WDFY4: variants seen among roughly 807,000 people sequenced by gnomAD.
WDFY4 encodes WDFY family member 4, also known as WD repeat- and FYVE domain-containing protein 4.
Under a neutral mutation model 351.9 loss-of-function variants are expected in WDFY4, and 169 were observed. The observed-to-expected ratio is 0.48, with a 90% CI of 0.42 to 0.55. The LOEUF (loss-of-function observed/expected upper bound fraction) is 0.55, where lower values mean the gene tolerates loss of function less well. WDFY4 is among the 20% of genes least tolerant of loss of function. The pLI, the probability that WDFY4 is intolerant of heterozygous loss-of-function variation, is 0.00. For missense variants in WDFY4, 3,803 were observed against 3,935.6 expected (o/e 0.97, Z 0.90); for synonymous variants, 1,622 against 1,574.6 (o/e 1.03, Z -0.71).
rs891076134 is a variant in WDFY4 at position 48,804,778 on chromosome 10, G to GGC, written c.4485-481_4485-480insCG. 3.8e-5 allele frequency: 37 copies of GGC among 984,544 alleles called. No individual in the cohort carries two copies. In the East Asian group the frequency reaches 3.9e-3, roughly 103 times the overall value. 61.0% of individuals were successfully genotyped at this position (984,544 alleles called of 1,614,324 possible). On this transcript the variant is annotated intron_variant, in intron 25 of 61. Transcript: ENST00000325239. ...TTGGATTTGTGAGTATCTGAGGGAG[G>GGC]GGGTATGGATAGGTGGATTCTGTCT...
chr10:48,800,190 G>C (rs746892911), intron 24 of WDFY4, among the ~76,000 whole-genome samples: 3 of 152,138 alleles, frequency 2.0e-5, no homozygotes, highest in Non-Finnish European at 4.4e-5. Flanking sequence ...AGCCGGTTTC[G>C]TGTTTTAAGA....
intron 43 of WDFY4, among the ~76,000 whole-genome samples, chr10:48,877,620 C>G (rs767598884): frequency 6.6e-6 from 1 of 152,222 alleles, no homozygotes. Flanking sequence ...TTTGGACACC[C>G]CAACCCATAT....
intron 47 of WDFY4, among the ~76,000 whole-genome samples, chr10:48,920,048 A>G (rs1838912642): frequency 6.6e-6 from 1 of 152,224 alleles, no homozygotes; most frequent in African/African-American, 2.4e-5. Context: ...AGTAAAAAGA[A>G]TATAAATGAC....
rs1430839054 is a variant in WDFY4, at chr10:48,976,850, A to G, written c.9162A>G (p.Gly3054=). The G allele has an allele frequency of 6.5e-7, 1 of 1,530,830 alleles. No individual in the cohort carries two copies. Among genetic ancestry groups the G allele is most frequent in the African/African-American group, 1.4e-5 (1 of 72,268 alleles). The allele number at this position is 1,530,830 out of a possible 1,614,324, so 94.8% of individuals were successfully genotyped here. A position where few individuals can be genotyped will look rare whatever the true frequency, so the allele number is the denominator to read the frequency against. The change falls in exon 59 of 62, where the codon GGA becomes GGG. Residue 3054 remains glycine (G), a synonymous_variant. Transcript: ENST00000325239. ...GAHLSLWNVN[G]QPLASITTAW... is the part of the protein sequence containing the mutation. Reference sequence around the variant, plus strand: ...ACTTGTCCCTGTGGAATGTCAATGGACAGCCCCTGGCCAGCATCACCACAG... The same window carrying G: ...ACTTGTCCCTGTGGAATGTCAATGGGCAGCCCCTGGCCAGCATCACCACAG...
At chr10:48,729,278 C>A (rs528170698) in intron 7 of WDFY4, among the ~76,000 whole-genome samples, 154 bp from the exon 8 acceptor site, 1 of 152,242 alleles carries the variant, frequency 6.6e-6, no homozygotes, top group African/African-American at 2.4e-5. Flanking sequence ...TTATCCAGGG[C>A]GCTCCCTTGC....
intron 5 of WDFY4, among the ~76,000 whole-genome samples, chr10:48,724,883 T>G (rs1481380716): frequency 6.6e-6 from 1 of 152,166 alleles, no homozygotes; most frequent in African/African-American, 2.4e-5. Flanking sequence ...AGTTAGCAAT[T>G]TTTTAAGTGC....
chr10:48,933,930 G>T (rs932038683), intron 47 of WDFY4, among the ~76,000 whole-genome samples: 1 of 152,108 alleles, frequency 6.6e-6, no homozygotes, highest in Non-Finnish European at 1.5e-5. Context: ...GGCCCAAGCA[G>T]AAGCTGGAGG....
rs186226659 is a variant in WDFY4, at chr10:48,945,038, A to T, written c.7750-1002A>T. 2.7e-3 allele frequency among the ~76,000 whole-genome samples: 413 copies of T among 152,186 alleles called. 2 individuals are homozygous for T. The highest frequency in any genetic ancestry group is 9.7e-3 in the African/African-American group (402 of 41,494). ...TTGCAGGCATTTGAGATAGTGACAC[A>T]CTTGGCCCCCAGTGGAGCTTTGAGG... is the stretch of plus-strand genomic sequence containing the variant. On this transcript the variant is annotated intron_variant, in intron 49 of 61. Transcript: ENST00000325239.
At chr10:48,927,693 T>C (rs1463069481) in intron 47 of WDFY4, among the ~76,000 whole-genome samples, 2 of 152,212 alleles carry the variant, frequency 1.3e-5, no homozygotes, top group Non-Finnish European at 2.9e-5. Context: ...CCGTTAGCTG[T>C]CAAACTGCCC....
At chr10:48,785,806 C>A (rs2066386937) in intron 19 of WDFY4, among the ~76,000 whole-genome samples, 2 of 152,016 alleles carry the variant, frequency 1.3e-5, no homozygotes, top group African/African-American at 4.8e-5. Context: ...GTTGTTTAAA[C>A]TATTCTAGGA....
chr10:48,960,080 C>A (rs1431643674), intron 53 of WDFY4, among the ~76,000 whole-genome samples: 1 of 152,206 alleles, frequency 6.6e-6, no homozygotes, highest in Admixed American at 6.5e-5. Context: ...CCCTGGAGGG[C>A]AGGTCAGTGT....
chr10:48,805,119 C>A, intron 25 of WDFY4, 141 bp from the exon 26 acceptor site: 2 of 1,005,266 alleles, frequency 2.0e-6, no homozygotes, highest in Non-Finnish European at 2.8e-6. Context: ...TGTCTGACGG[C>A]ATCTTGACAA....
At chr10:48,799,615 A>C (rs2066989751) in intron 24 of WDFY4, among the ~76,000 whole-genome samples, 1 of 152,150 alleles carries the variant, frequency 6.6e-6, no homozygotes. Context: ...TCTACTAAAA[A>C]TACAAAAATT....
intron 43 of WDFY4, 38 bp downstream of exon 43, chr10:48,877,237 A>G: frequency 6.5e-7 from 1 of 1,528,238 alleles, no homozygotes; most frequent in Non-Finnish European, 8.8e-7. Flanking sequence ...AAGATTTTTA[A>G]GTTAGTTGTT....
intron 19 of WDFY4, among the ~76,000 whole-genome samples, chr10:48,783,152 G>T (rs1004533968): frequency 2.0e-5 from 3 of 152,096 alleles, no homozygotes; most frequent in Non-Finnish European, 4.4e-5. Context: ...TTCCTCAGGG[G>T]ATTGGCTCCA....
chr10:48,705,424 G>A (rs1023939412), intron 1 of WDFY4, among the ~76,000 whole-genome samples: 7 of 152,124 alleles, frequency 4.6e-5, no homozygotes, highest in South Asian at 2.1e-4. Flanking sequence ...GCCCCGATGG[G>A]TCCCTTTTCA....
At position 48,946,889 on chromosome 10, in the gene WDFY4, A is replaced by G; in HGVS notation, c.7897A>G (p.Thr2633Ala). ...CATGACTGTCCAGTGCCACTACTACACCCACTACTCCTCGGCCATCATCGT... is the reference window on the plus strand; with the variant it reads ...CATGACTGTCCAGTGCCACTACTACGCCCACTACTCCTCGGCCATCATCGT... ...GDMTVQCHYY[T>A]HYSSAIIVAS... The change falls in exon 51 of 62, where the codon ACC becomes GCC. Residue 2633 changes from threonine to alanine, a missense_variant. By Grantham distance (58) the Thr-to-Ala change is moderately conservative. Around this residue, in one of 3 missense-constraint regions of WDFY4, gnomAD observed 3,054 missense variants for 3,148.6 expected, o/e 0.97. Transcript: ENST00000325239. The G allele has an allele frequency of 6.4e-7, 1 of 1,551,920 alleles. No homozygotes were observed. The highest frequency in any genetic ancestry group is 1.2e-5 in the South Asian group (1 of 84,054).
At chr10:48,766,116 G>A (rs963988148) in intron 13 of WDFY4, among the ~76,000 whole-genome samples, 13 of 151,694 alleles carry the variant, frequency 8.6e-5, no homozygotes, top group Non-Finnish European at 1.6e-4. Flanking sequence ...CAAGGAAATT[G>A]GTAAAGTAGG....
chr10:48,854,913 GA>G (rs1564420061), intron 39 of WDFY4, among the ~76,000 whole-genome samples: 1 of 152,104 alleles, frequency 6.6e-6, no homozygotes, highest in East Asian at 1.9e-4. Context: ...TACCATAATA[GA>G]AAAAAGTCTG....
Sources: gnomAD v4.1 joint callset for allele counts (sites outside exome capture counted in the v4.1 genomes callset) on GRCh38, gnomAD v4.1.1 for gene constraint, gnomAD v4.1.1 regional missense constraint, MANE v1.5 for transcripts, NCBI Gene and HGNC (gene_info 2026-07-23, HGNC 2026-07-21) for gene names.